Variants in CAPN1 observed in about 807,000 individuals in gnomAD.
CAPN1 encodes calpain-1 catalytic subunit.
A neutral mutation model predicts 105.2 loss-of-function variants in CAPN1; 77 were observed. The observed-to-expected ratio is 0.73, with a 90% CI of 0.61 to 0.88. CAPN1 has a LOEUF of 0.88. CAPN1 is among the 40% of genes least tolerant of loss of function. The pLI is 0.00. For synonymous variants in CAPN1, 355 were observed against 388.8 expected (o/e 0.91, Z 1.02); for missense variants, 833 against 976.6 (o/e 0.85, Z 1.96).
chr11:65,204,213 GC>G (rs1207223562), intron 10 of CAPN1, among the ~76,000 whole-genome samples: 1 of 152,100 alleles, frequency 6.6e-6, no homozygotes, highest in Non-Finnish European at 1.5e-5. Flanking sequence ...CAGTCCACAC[GC>G]CCTAGTCCCT....
chr11:65,183,455 T>C lies in CAPN1; in HGVS notation c.338-19T>C. 6.4e-7 allele frequency: 1 copy of C among 1,567,928 alleles called. No homozygotes were observed. The highest frequency in any genetic ancestry group is 8.8e-7 in the Non-Finnish European group (1 of 1,138,086). Reference sequence around the variant, plus strand: ...GGCAGGTTGGTAGAGCAGGCTAATGTGCATCCCTCCTGCCCCAGGGGACTG... The same window carrying C: ...GGCAGGTTGGTAGAGCAGGCTAATGCGCATCCCTCCTGCCCCAGGGGACTG... On this transcript the variant is annotated intron_variant, in intron 3 of 21. Coordinates refer to ENST00000279247, the MANE Select transcript of CAPN1 (RefSeq NM_005186.4).
rs868013621 is a variant in CAPN1 at position 65,188,028 on chromosome 11, C to A, written c.917C>A (p.Ala306Asp). 1 of 1,559,064 alleles carries A rather than the reference C, an allele frequency of 6.4e-7. No individual in the cohort carries two copies. The highest frequency in any genetic ancestry group is 8.7e-7 in the Non-Finnish European group (1 of 1,151,656). Residue 306 changes from alanine (A) to aspartate (D), a missense_variant, in exon 8 of 22, where the codon GCC becomes GAC. Ala to Asp is a moderately radical substitution (Grantham distance 126, BLOSUM62 -2). Transcript: ENST00000279247. The surrounding 1 kb of genome is among the most constrained non-coding windows in gnomAD (Gnocchi z 5.5). ...TGGGGCGAGGTGGAGTGGACGGGAGCCTGGAGCGACAGGTGAGGGGCAGTG... is the reference window on the plus strand; with the variant it reads ...TGGGGCGAGGTGGAGTGGACGGGAGACTGGAGCGACAGGTGAGGGGCAGTG... ...NPWGEVEWTGAWSDSSSEWNN... is the reference protein window; with the variant it reads ...NPWGEVEWTGDWSDSSSEWNN...
At chr11:65,191,343 G>A (rs117587269) in intron 10 of CAPN1, among the ~76,000 whole-genome samples, 2 of 152,022 alleles carry the variant, frequency 1.3e-5, no homozygotes, top group South Asian at 2.1e-4. Context: ...TTGCTCATAC[G>A]ATAACATGCA....
intron 12 of CAPN1, 140 bp downstream of exon 12, chr11:65,205,861 C>T: frequency 1.3e-6 from 1 of 775,384 alleles, no homozygotes; most frequent in Non-Finnish European, 2.3e-6. Flanking sequence ...TTCTCCCCAC[C>T]TGTTCAGTGG....
At chr11:65,191,844 A>C (rs1948722960) in intron 10 of CAPN1, among the ~76,000 whole-genome samples, 1 of 152,100 alleles carries the variant, frequency 6.6e-6, no homozygotes, top group South Asian at 2.1e-4. Context: ...TTTTAGGAGC[A>C]ACCCTATTAA....
rs911557991 is a variant in CAPN1 at position 65,208,459 on chromosome 11, C to T, written c.1729+197C>T. The T allele has an allele frequency of 3.9e-5, 25 of 638,084 alleles. No homozygotes were observed. The highest frequency in any genetic ancestry group is 1.8e-5 in the South Asian group (1 of 55,786). 39.5% of individuals were successfully genotyped at this position (638,084 alleles called of 1,614,324 possible). ...ACCTGCCATCCTGATAATCCCTGTGCTCGGGTGCTGTGCCTTTGTGGGATT... is the reference window on the plus strand; with the variant it reads ...ACCTGCCATCCTGATAATCCCTGTGTTCGGGTGCTGTGCCTTTGTGGGATT... On this transcript the variant is annotated intron_variant, in intron 16 of 21. Coordinates refer to ENST00000279247, the MANE Select transcript of CAPN1 (RefSeq NM_005186.4). The surrounding 1 kb of genome is among the most constrained non-coding windows in gnomAD (Gnocchi z 4.1).
chr11:65,192,216 C>T (rs1948728400), intron 10 of CAPN1, among the ~76,000 whole-genome samples: 3 of 152,102 alleles, frequency 2.0e-5, no homozygotes. Flanking sequence ...CCCTGGGCAA[C>T]AGAACATGAC....
At position 65,211,274 on chromosome 11, in the gene CAPN1, C is replaced by G; in HGVS notation, c.2133C>G (p.Thr711=). 6.2e-7 allele frequency: 1 copy of G among 1,612,744 alleles called. No individual in the cohort carries two copies. Among genetic ancestry groups the G allele is most frequent in the Non-Finnish European group, 8.5e-7 (1 of 1,179,790 alleles). ...TFDLFKWLQL[T]MFA Reference sequence around the variant, plus strand: ...TTCTCCCGCAGTGGTTGCAGCTGACCATGTTTGCATGAGGCAGGGACTCGG... The same window carrying G: ...TTCTCCCGCAGTGGTTGCAGCTGACGATGTTTGCATGAGGCAGGGACTCGG... Residue 711 remains threonine, a synonymous_variant, in exon 22 of 22, where the codon ACC becomes ACG. Transcript: ENST00000279247.
rs553258572 is a variant in CAPN1, at chr11:65,204,933, G to A, written c.1341+75G>A. 11 of 1,329,290 alleles carry A rather than the reference G, an allele frequency of 8.3e-6. No individual in the cohort carries two copies. The East Asian group carries it at 1.6e-4, about 20-fold the overall frequency. The allele number at this position is 1,329,290 out of a possible 1,614,324, so 82.3% of individuals were successfully genotyped here. A position where few individuals can be genotyped will look rare whatever the true frequency, so the allele number is the denominator to read the frequency against. The stretch of plus-strand genomic sequence containing the variant: ...GGCGCCCCCGACCCGCAGTGCAGGC[G>A]GGCTTCCACCAGGGGGCGCCAGGGA... On this transcript the variant is annotated intron_variant, in intron 11 of 21. Transcript: ENST00000279247.
intron 10 of CAPN1, among the ~76,000 whole-genome samples, chr11:65,198,099 A>T (rs1349136159): frequency 1.3e-5 from 2 of 150,948 alleles, no homozygotes; most frequent in Non-Finnish European, 2.9e-5. Context: ...TTTGAAAGAC[A>T]TAAGAGTTTG....
intron 12 of CAPN1, chr11:65,206,093 C>T (rs1198571676): frequency 5.9e-6 from 3 of 504,774 alleles, no homozygotes; most frequent in East Asian, 3.4e-5. Flanking sequence ...GCTTAAGCTC[C>T]GAGCCTGTGT....
intron 4 of CAPN1, 68 bp from the exon 5 acceptor site, chr11:65,185,849 A>G: frequency 6.7e-7 from 1 of 1,492,806 alleles, no homozygotes. Context: ...CTAGGAAGGT[A>G]GGGGTAAGGA....
Position 65,208,854 on chromosome 11 carries a change from C to G in CAPN1, c.1730-469C>G, listed in dbSNP as rs1381062559. ...TCCTCCCAGAGCCTCCTGGGCCAGG[C>G]TGAGTGGCTTGGGGAACACCACGTG... On this transcript the variant is annotated intron_variant, in intron 16 of 21. Transcript: ENST00000279247. This position sits in a 1 kb window ranked among gnomAD's most constrained non-coding sequence, Gnocchi z 4.1. 2 of 228,300 alleles carry G rather than the reference C, an allele frequency of 8.8e-6. No homozygotes were observed. The highest frequency in any genetic ancestry group is 4.5e-5 in the African/African-American group (2 of 44,120). 14.1% of individuals were successfully genotyped at this position (228,300 alleles called of 1,614,324 possible). A position where few individuals can be genotyped will look rare whatever the true frequency, so the allele number is the denominator to read the frequency against.
chr11:65,206,310 T>C, intron 12 of CAPN1, 153 bp from the exon 13 acceptor site: 1 of 630,630 alleles, frequency 1.6e-6, no homozygotes, highest in Non-Finnish European at 2.8e-6. Flanking sequence ...AGGCAAAATG[T>C]CTTGTTAGGG....
rs1472254685 is a variant in CAPN1, at chr11:65,185,945, T to C, written c.485T>C (p.Val162Ala). 1 of 1,590,128 alleles carries C rather than the reference T, an allele frequency of 6.3e-7. No individual in the cohort carries two copies. Among genetic ancestry groups the C allele is most frequent in the Non-Finnish European group, 8.6e-7 (1 of 1,168,312 alleles). The change falls in exon 5 of 22, where the codon GTG (valine) becomes GCG (alanine). Residue 162 changes from valine (V) to alanine (A), a missense_variant. Val to Ala is a moderately conservative substitution (Grantham distance 64). Coordinates refer to ENST00000279247, the MANE Select transcript of CAPN1 (RefSeq NM_005186.4). ...QLWQFGEWVD[V>A]VVDDLLPIKD... ...TGGCAATTTGGGGAGTGGGTGGACGTGGTCGTGGATGACCTGCTGCCCATC... is the reference window on the plus strand; with the variant it reads ...TGGCAATTTGGGGAGTGGGTGGACGCGGTCGTGGATGACCTGCTGCCCATC...
At chr11:65,183,277 C>T in intron 3 of CAPN1, 80 bp downstream of exon 3, 1 of 1,376,494 alleles carries the variant, frequency 7.3e-7, no homozygotes, top group Non-Finnish European at 1.0e-6. Flanking sequence ...TCTGCCCCAA[C>T]CCCTCCCTCT....
At chr11:65,205,889 C>T (rs1398526693) in intron 12 of CAPN1, 168 bp downstream of exon 12, 2 of 672,390 alleles carry the variant, frequency 3.0e-6, no homozygotes, top group African/African-American at 1.8e-5. Context: ...AAACATTGCT[C>T]TCCTGAGGGT....
Position 65,186,205 on chromosome 11 carries a change from G to A in CAPN1, c.626G>A (p.Ser209Asn), listed in dbSNP as rs376996656. 6.2e-7 allele frequency: 1 copy of A among 1,613,682 alleles called. No homozygotes were observed. The highest frequency in any genetic ancestry group is 8.5e-7 in the Non-Finnish European group (1 of 1,179,722). ...NGSYEALSGG[S>N]TSEGFEDFTG... ...AGCTACGAGGCCCTGTCAGGGGGCAGCACCTCAGAGGGCTTTGAGGACTTC... is the reference window on the plus strand; with the variant it reads ...AGCTACGAGGCCCTGTCAGGGGGCAACACCTCAGAGGGCTTTGAGGACTTC... The change falls in exon 6 of 22, where the codon AGC becomes AAC. Residue 209 changes from serine (S) to asparagine (N), a missense_variant. Physicochemically the swap from Ser to Asn is conservative, Grantham distance 46. Transcript: ENST00000279247.
rs777788016 is a variant in CAPN1 at position 65,185,964 on chromosome 11, G to A, written c.504G>A (p.Leu168=). 2.5e-6 allele frequency: 4 copies of A among 1,598,610 alleles called. No homozygotes were observed. In the African/African-American group the frequency reaches 4.0e-5, roughly 16 times the overall value. The change falls in exon 5 of 22, where the codon CTG becomes CTA. Residue 168 remains leucine, a synonymous_variant. Transcript: ENST00000279247. The part of the protein sequence containing the change: ...EWVDVVVDDL[L]PIKDGKLVFV... Reference sequence around the variant, plus strand: ...TGGACGTGGTCGTGGATGACCTGCTGCCCATCAAGGACGGGAAGCTAGTGT... The same window carrying A: ...TGGACGTGGTCGTGGATGACCTGCTACCCATCAAGGACGGGAAGCTAGTGT...
Sources: allele counts gnomAD v4.1 joint callset (sites outside exome capture counted in the v4.1 genomes callset), GRCh38; gene constraint gnomAD v4.1.1; non-coding constraint Gnocchi (gnomAD v3.1); transcripts MANE v1.5; gene names NCBI Gene and HGNC (gene_info 2026-07-23, HGNC 2026-07-21).